The following NLRC5 variants were observed in gnomAD, a reference collection of about 807,000 sequenced individuals.
NLRC5 encodes NLR family CARD domain containing 5.
A neutral mutation model predicts 206.9 loss-of-function variants in NLRC5; 114 were observed. The ratio of observed to expected loss-of-function variants is 0.55; its 90% CI spans 0.47 to 0.64. NLRC5 has a LOEUF of 0.64. NLRC5 is among the 30% of genes least tolerant of loss of function. NLRC5 has a pLI of 0.00. For synonymous variants in NLRC5, 952 were observed against 962.8 expected, an observed-to-expected ratio of 0.99 and a Z score of 0.21; for missense variants, 2,008 against 2,305.5, an observed-to-expected ratio of 0.87 and a Z score of 2.64.
rs1232394295 is a variant in NLRC5 at position 57,020,849 on chromosome 16, A to T, written c.137A>T (p.Glu46Val). The change falls in exon 3 of 49, where the codon GAG (glutamate) becomes GTG (valine). Residue 46 changes from glutamate (E) to valine (V), a missense_variant. By Grantham distance (121) the Glu-to-Val change is moderately radical (BLOSUM62 -2). Coordinates refer to ENST00000688547, the MANE Select transcript of NLRC5 (RefSeq NM_001384950.1). ...LPNTDLDSRN[E>V]TLDPEQRVIL... ...AACACGGACCTGGATTCCAGGAACG[A>T]GACCTTGGACCCTGAACAGAGAGTC... 6.2e-7 allele frequency: 1 copy of T among 1,613,692 alleles called. No individual in the cohort carries two copies.
chr16:57,025,074 A>G (rs2061136403), intron 5 of NLRC5, among the ~76,000 whole-genome samples: 1 of 152,054 alleles, frequency 6.6e-6, no homozygotes, highest in Admixed American at 6.5e-5. Context: ...CATCTTACTG[A>G]ACCCTTACAC....
chr16:57,021,055 T>A (rs1437420683), intron 3 of NLRC5, 48 bp downstream of exon 3: 1 of 1,579,244 alleles, frequency 6.3e-7, no homozygotes, highest in Non-Finnish European at 8.7e-7. Context: ...AGTACCTGCG[T>A]CATGGGGAGC....
chr16:57,061,981 AAAAT>A, intron 32 of NLRC5: 2 of 1,487,782 alleles, frequency 1.3e-6, no homozygotes, highest in Middle Eastern at 3.5e-4. Context: ...ACTGAGGACA[AAAAT>A]AAACTGAAAC....
At chr16:57,042,797 C>T (rs1304914764) in intron 19 of NLRC5, among the ~76,000 whole-genome samples, 12 of 152,274 alleles carry the variant, frequency 7.9e-5, no homozygotes, top group African/African-American at 2.6e-4. Flanking sequence ...CTGTTGGTGG[C>T]TACGATCTCT....
chr16:57,075,112 T>A (rs1359265576), intron 39 of NLRC5, among the ~76,000 whole-genome samples: 1 of 140,264 alleles, frequency 7.1e-6, no homozygotes, highest in Non-Finnish European at 1.5e-5. Flanking sequence ...GCAATCGTGT[T>A]GCACTGCAGC....
chr16:57,019,565 C>T (rs888912203), intron 2 of NLRC5, among the ~76,000 whole-genome samples: 2 of 152,210 alleles, frequency 1.3e-5, no homozygotes, highest in African/African-American at 4.8e-5. Context: ...AGTCCAAAGT[C>T]AGTGAGCACA....
intron 14 of NLRC5, among the ~76,000 whole-genome samples, chr16:57,036,793 C>A (rs1597290824): frequency 6.6e-6 from 1 of 151,898 alleles, no homozygotes; most frequent in African/African-American, 2.4e-5. Context: ...GCATTGTGAA[C>A]CTGGGAAAGT....
chr16:56,994,287 G>T (rs1256890269), intron 1 of NLRC5, among the ~76,000 whole-genome samples: 1 of 152,160 alleles, frequency 6.6e-6, no homozygotes, highest in Admixed American at 6.5e-5. Flanking sequence ...CTTAGGGGAA[G>T]GATGGCAAAA....
At chr16:57,077,490 G>A (rs1597460703) in intron 41 of NLRC5, 111 bp downstream of exon 41, 1 of 1,113,764 alleles carries the variant, frequency 9.0e-7, no homozygotes, top group Non-Finnish European at 1.3e-6. Context: ...GCCAACCTCA[G>A]TGTCCAGGCA....
intron 1 of NLRC5, among the ~76,000 whole-genome samples, chr16:57,004,830 G>GT (rs1224834998): frequency 6.6e-6 from 1 of 152,184 alleles, no homozygotes; most frequent in Non-Finnish European, 1.5e-5. Context: ...GGAGGGAGGC[G>GT]TCTGCTGGGA....
chr16:57,051,477 G>A lies in NLRC5; in HGVS notation c.3423-61G>A. ...ATCTCCAGAAGGCTCTGGCTATGAG[G>A]CCGTGCTCCCTGCTTTCCTGGAAGG... On this transcript the variant is annotated intron_variant, in intron 23 of 48. Transcript: ENST00000688547. 4 of 1,251,736 alleles carry A rather than the reference G, an allele frequency of 3.2e-6. No individual in the cohort carries two copies. In the South Asian group the frequency reaches 4.8e-5, roughly 15 times the overall value. The allele number at this position is 1,251,736 out of a possible 1,614,324, so 77.5% of individuals were successfully genotyped here. A position where few individuals can be genotyped will look rare whatever the true frequency, so the allele number is the denominator to read the frequency against.
intron 28 of NLRC5, 52 bp from the exon 29 acceptor site, chr16:57,058,920 C>A: frequency 6.8e-7 from 1 of 1,480,954 alleles, no homozygotes; most frequent in Non-Finnish European, 9.4e-7. Flanking sequence ...CTGGGCAGGG[C>A]TCCAAGGAGG....
chr16:57,029,121 G>A (rs1016868625), intron 8 of NLRC5, among the ~76,000 whole-genome samples: 9 of 152,242 alleles, frequency 5.9e-5, no homozygotes, highest in Non-Finnish European at 1.2e-4. Flanking sequence ...TTGTCGTCTC[G>A]GCTGGGCATC....
chr16:57,046,322 C>A (rs1159293868), intron 21 of NLRC5, among the ~76,000 whole-genome samples: 3 of 152,188 alleles, frequency 2.0e-5, no homozygotes, highest in African/African-American at 7.2e-5. Context: ...CTCAGGCTTC[C>A]CTTCCCTGAG....
At chr16:56,993,156 TACAC>T (rs2057164499) in intron 1 of NLRC5, among the ~76,000 whole-genome samples, 1 of 151,184 alleles carries the variant, frequency 6.6e-6, no homozygotes. Flanking sequence ...CACACACATA[TACAC>T]ATATATAGAC....
At chr16:57,077,627 C>T in intron 41 of NLRC5, 92 bp from the exon 42 acceptor site, 3 of 1,291,938 alleles carry the variant, frequency 2.3e-6, no homozygotes, top group Non-Finnish European at 1.1e-6. Context: ...TCTCTTAGGC[C>T]CCCTGAAGCA....
chr16:57,031,715 G>A (rs1337365136), intron 11 of NLRC5, among the ~76,000 whole-genome samples: 1 of 148,882 alleles, frequency 6.7e-6, no homozygotes, highest in Non-Finnish European at 1.5e-5. Context: ...CAAACCCTTG[G>A]GGAGAACATA....
chr16:56,996,518 G>A (rs1252052289), intron 1 of NLRC5, among the ~76,000 whole-genome samples: 1 of 152,032 alleles, frequency 6.6e-6, no homozygotes. Flanking sequence ...CCTTCAGTTC[G>A]TGGCAAGTGG....
At position 57,026,260 on chromosome 16, in the gene NLRC5, T is replaced by C. The variant is rs2061261567; in HGVS notation, c.1317T>C (p.Tyr439=). 1 of 1,613,996 alleles carries C rather than the reference T, an allele frequency of 6.2e-7. No individual in the cohort carries two copies. Among genetic ancestry groups the C allele is most frequent in the African/African-American group, 1.3e-5 (1 of 75,062 alleles). Residue 439 remains tyrosine (Y), a synonymous_variant, in exon 6 of 49, where the codon TAT becomes TAC. Coordinates refer to ENST00000688547, the MANE Select transcript of NLRC5 (RefSeq NM_001384950.1). ...TCCTGCCCAACATGACTCAGCTCTA[T>C]ATGCAGATGGTGCTCGCCCTCAGCC... is the stretch of plus-strand genomic sequence containing the variant. ...VALLPNMTQL[Y]MQMVLALSPP... is the part of the protein sequence containing the mutation.
Sources: allele counts gnomAD v4.1 joint callset (sites outside exome capture counted in the v4.1 genomes callset), GRCh38; gene constraint gnomAD v4.1.1; transcripts MANE v1.5; gene names NCBI Gene and HGNC (gene_info 2026-07-23, HGNC 2026-07-21).